The following ACYP2 variants were observed in gnomAD, a reference collection of about 807,000 sequenced individuals.
ACYP2 encodes acylphosphatase 2, also known as acylphosphatase-2.
Under a neutral mutation model 11.2 loss-of-function variants are expected in ACYP2, and 12 were observed. That is an observed-to-expected ratio of 1.08 (90% CI 0.69 to 1.74). The LOEUF is 1.74. ACYP2 is among the 40% of genes most tolerant of loss of function. ACYP2 has a pLI of 0.00. For missense variants in ACYP2, 134 were observed against 101.9 expected (o/e 1.31, Z -1.35); for synonymous variants, 43 against 32.2 (o/e 1.33, Z -1.13).
chr2:54,075,133 AG>A (rs1677260415), intron 4 of ACYP2, among the ~76,000 whole-genome samples: 2 of 152,204 alleles, frequency 1.3e-5, no homozygotes, highest in African/African-American at 4.8e-5. Flanking sequence ...TCACAATAAA[AG>A]TTCAACGGAC....
At chr2:54,129,832 C>T (rs1012348675) in intron 4 of ACYP2, among the ~76,000 whole-genome samples, 1 of 147,418 alleles carries the variant, frequency 6.8e-6, no homozygotes, top group African/African-American at 2.5e-5. Context: ...TGTATATTCA[C>T]AATATACATT....
intron 6 of ACYP2, among the ~76,000 whole-genome samples, chr2:54,205,451 T>G (rs1004060523): frequency 6.6e-6 from 1 of 152,210 alleles, no homozygotes. Context: ...TATCCTCTTA[T>G]GACATCAGTA....
chr2:53,982,667 T>C (rs1478394242), intron 2 of ACYP2, among the ~76,000 whole-genome samples: 1 of 152,232 alleles, frequency 6.6e-6, no homozygotes, highest in Non-Finnish European at 1.5e-5. Flanking sequence ...ATGGTCACTC[T>C]CATCTCTAAC....
At chr2:54,192,732 G>C (rs1473470707) in intron 6 of ACYP2, among the ~76,000 whole-genome samples, 2 of 152,174 alleles carry the variant, frequency 1.3e-5, no homozygotes, top group Non-Finnish European at 2.9e-5. Context: ...ATAAAGAGAA[G>C]AGGTTTTATT....
intron 2 of ACYP2, among the ~76,000 whole-genome samples, chr2:54,046,763 C>T (rs1558492972): frequency 6.6e-6 from 1 of 152,120 alleles, no homozygotes; most frequent in Non-Finnish European, 1.5e-5. Context: ...TCACTATTAC[C>T]ATCTTGAAAT....
At chr2:53,987,725 G>A (rs765955766) in intron 2 of ACYP2, among the ~76,000 whole-genome samples, 2 of 152,298 alleles carry the variant, frequency 1.3e-5, no homozygotes, top group Middle Eastern at 3.4e-3. Context: ...CTTCTAATGA[G>A]TAATGATGTT....
At chr2:54,050,073 A>G (rs999792506) in intron 2 of ACYP2, among the ~76,000 whole-genome samples, 1 of 152,150 alleles carries the variant, frequency 6.6e-6, no homozygotes, top group African/African-American at 2.4e-5. Flanking sequence ...ACTTAACATC[A>G]ATAGGTTCTT....
chr2:54,084,707 T>C (rs1002349072), intron 4 of ACYP2: 6 of 150,870 alleles, frequency 4.0e-5, no homozygotes, highest in Non-Finnish European at 9.0e-5. Context: ...TCTTAACAAT[T>C]AACAGTATTA....
intron 4 of ACYP2, among the ~76,000 whole-genome samples, chr2:54,107,271 T>C (rs937706009): frequency 2.0e-5 from 3 of 152,240 alleles, no homozygotes; most frequent in Admixed American, 6.5e-5. Context: ...ATAAGCATGA[T>C]GTGACTAATT....
chr2:54,043,563 C>T (rs989779550), intron 2 of ACYP2, among the ~76,000 whole-genome samples: 1 of 152,106 alleles, frequency 6.6e-6, no homozygotes, highest in African/African-American at 2.4e-5. Flanking sequence ...TTTATTTCTT[C>T]TTTATTTTAC....
chr2:54,199,898 A>C (rs1028240420), intron 6 of ACYP2, among the ~76,000 whole-genome samples: 6 of 152,204 alleles, frequency 3.9e-5, no homozygotes, highest in African/African-American at 7.2e-5. Flanking sequence ...TCTGTATCTT[A>C]CTATTCTCTG....
At chr2:54,128,139 C>G (rs550907298) in intron 4 of ACYP2, among the ~76,000 whole-genome samples, 1 of 152,124 alleles carries the variant, frequency 6.6e-6, no homozygotes, top group African/African-American at 2.4e-5. Flanking sequence ...GAATCATATG[C>G]AATTGGCAAA....
At chr2:54,124,424 G>A (rs186607924) in intron 4 of ACYP2, among the ~76,000 whole-genome samples, 3 of 152,208 alleles carry the variant, frequency 2.0e-5, no homozygotes, top group Middle Eastern at 3.4e-3. Flanking sequence ...TTGAACTCCC[G>A]ATCTCAGGTG....
At chr2:54,303,075 G>A (rs147604602) in intron 6 of ACYP2, among the ~76,000 whole-genome samples, 196 of 152,282 alleles carry the variant, frequency 1.3e-3, no homozygotes, top group Non-Finnish European at 2.6e-3. Flanking sequence ...TTAGTGCTTG[G>A]CCAGTCATGG....
At chr2:54,031,907 G>T (rs1396535304) in intron 2 of ACYP2, among the ~76,000 whole-genome samples, 1 of 152,078 alleles carries the variant, frequency 6.6e-6, no homozygotes, top group Non-Finnish European at 1.5e-5. Context: ...TGTGTCTTTT[G>T]GCCGCATAAA....
intron 4 of ACYP2, chr2:54,079,890 A>G (rs1270228157): frequency 1.7e-5 from 2 of 121,146 alleles, no homozygotes; most frequent in Non-Finnish European, 1.9e-5. Flanking sequence ...TAAAACAACA[A>G]TAATATTTTA....
chr2:54,057,682 T>C (rs1372164481), intron 4 of ACYP2, among the ~76,000 whole-genome samples: 1 of 152,210 alleles, frequency 6.6e-6, no homozygotes, highest in African/African-American at 2.4e-5. Context: ...GTTTTATATA[T>C]ATATGTGTGT....
At chr2:54,059,556 G>C (rs1676357360) in intron 4 of ACYP2, among the ~76,000 whole-genome samples, 1 of 152,128 alleles carries the variant, frequency 6.6e-6, no homozygotes, top group Non-Finnish European at 1.5e-5. Context: ...TGTTTCGTTA[G>C]ATTTTCAGAT....
chr2:54,076,717 GGAGA>G (rs139405039), intron 4 of ACYP2, among the ~76,000 whole-genome samples: 1 of 151,846 alleles, frequency 6.6e-6, no homozygotes, highest in Non-Finnish European at 1.5e-5. Context: ...GATCAGGGAG[GGAGA>G]GAGAGAGAGG....
Sources: allele counts gnomAD v4.1 joint callset (sites outside exome capture counted in the v4.1 genomes callset), GRCh38; gene constraint gnomAD v4.1.1; transcripts MANE v1.5; gene names NCBI Gene and HGNC (gene_info 2026-07-23, HGNC 2026-07-21).